Variants in SPAG16 observed in about 807,000 individuals in gnomAD.
SPAG16 encodes the protein sperm associated antigen 16, also known as sperm-associated antigen 16 protein.
In SPAG16, 86 loss-of-function variants were observed where a neutral mutation model predicts 80.4. The observed-to-expected ratio is 1.07, with a 90% CI of 0.90 to 1.28. The LOEUF is 1.28. Ranked by LOEUF, SPAG16 falls within the 50% of genes most tolerant of loss-of-function variation. The probability of loss-of-function intolerance (pLI) is 0.00; values close to 1 mark genes in which losing one functional copy is unlikely to be tolerated. For synonymous variants in SPAG16, 294 were observed against 265.9 expected (o/e 1.11, Z -1.03); for missense variants, 870 against 765.3 (o/e 1.14, Z -1.61).
chr2:213,478,640 C>G (rs2073565497), intron 9 of SPAG16, among the ~76,000 whole-genome samples: 1 of 152,092 alleles, frequency 6.6e-6, no homozygotes, highest in African/African-American at 2.4e-5. Context: ...TTTCATAGTT[C>G]CGTATCCCAG....
intron 10 of SPAG16, among the ~76,000 whole-genome samples, chr2:213,643,373 TATATA>T (rs2062688115): frequency 1.7e-5 from 1 of 58,556 alleles, no homozygotes; most frequent in Non-Finnish European, 3.4e-5. Flanking sequence ...TATATATATA[TATATA>T]TATATATATA....
intron 5 of SPAG16, among the ~76,000 whole-genome samples, chr2:213,325,467 A>G (rs1449817644): frequency 2.6e-5 from 4 of 152,018 alleles, no homozygotes; most frequent in Non-Finnish European, 4.4e-5. Flanking sequence ...TCTTGAGAAA[A>G]TTATCTTTAA....
chr2:213,785,579 A>C (rs2070285806), intron 10 of SPAG16, among the ~76,000 whole-genome samples: 1 of 152,220 alleles, frequency 6.6e-6, no homozygotes, highest in Non-Finnish European at 1.5e-5. Flanking sequence ...TTAGGTTCTA[A>C]ACTAGTGATT....
At chr2:213,293,698 A>G (rs2062386532) in intron 1 of SPAG16, among the ~76,000 whole-genome samples, 1 of 152,188 alleles carries the variant, frequency 6.6e-6, no homozygotes, top group East Asian at 1.9e-4. Context: ...AGAGACCCCC[A>G]AGTCAGATTC....
At chr2:213,357,347 A>G (rs1455408185) in intron 7 of SPAG16, among the ~76,000 whole-genome samples, 1 of 152,098 alleles carries the variant, frequency 6.6e-6, no homozygotes, top group Non-Finnish European at 1.5e-5. Context: ...TCTAATATTG[A>G]CAGTAGGGTG....
chr2:214,080,442 C>A (rs1195504535), intron 13 of SPAG16, among the ~76,000 whole-genome samples: 10 of 136,900 alleles, frequency 7.3e-5, no homozygotes, highest in Non-Finnish European at 7.9e-5. Context: ...ACTAAAAATA[C>A]AAAAAAAAAA....
chr2:213,958,426 A>G (rs1003619115), intron 12 of SPAG16, among the ~76,000 whole-genome samples: 5 of 152,130 alleles, frequency 3.3e-5, no homozygotes, highest in Non-Finnish European at 5.9e-5. Flanking sequence ...GGAGGTAGAG[A>G]ACTGGAAACT....
intron 10 of SPAG16, among the ~76,000 whole-genome samples, chr2:213,537,352 A>G (rs1244218459): frequency 6.6e-6 from 1 of 152,108 alleles, no homozygotes; most frequent in African/African-American, 2.4e-5. Flanking sequence ...AAAGCAACCT[A>G]TCATACATTA....
At chr2:213,672,594 G>T (rs920257802) in intron 10 of SPAG16, among the ~76,000 whole-genome samples, 1 of 151,898 alleles carries the variant, frequency 6.6e-6, no homozygotes, top group Non-Finnish European at 1.5e-5. Context: ...GTACCTCTTT[G>T]CTTTTCTATT....
intron 15 of SPAG16, chr2:214,238,891 A>G (rs1006879908): frequency 6.6e-6 from 1 of 152,124 alleles, no homozygotes; most frequent in East Asian, 1.9e-4. Flanking sequence ...CTGGCATTCA[A>G]TTGCCACACT....
intron 10 of SPAG16, among the ~76,000 whole-genome samples, chr2:213,617,924 G>C: frequency 6.6e-6 from 1 of 152,168 alleles, no homozygotes; most frequent in East Asian, 1.9e-4. Flanking sequence ...CCCTTTGGTG[G>C]TGCTGTGTGT....
At chr2:213,292,671 A>AAAAC (rs1369104371) in intron 1 of SPAG16, among the ~76,000 whole-genome samples, 3 of 133,100 alleles carry the variant, frequency 2.3e-5, no homozygotes, top group Admixed American at 7.3e-5. Flanking sequence ...CTCAAAAAAA[A>AAAAC]AAAACAAAAA....
At chr2:213,301,674 T>C (rs930416051) in intron 3 of SPAG16, among the ~76,000 whole-genome samples, 2 of 152,098 alleles carry the variant, frequency 1.3e-5, no homozygotes, top group African/African-American at 2.4e-5. Context: ...TATTCCCACC[T>C]AAAAGATGTG....
Position 214,179,994 on chromosome 2 carries a change from A to G in SPAG16, c.1720+30728A>G, listed in dbSNP as rs188524603. Reference sequence around the variant, plus strand: ...TATTCAGGAAAAGACTGTCAATTTTATATAAAACCTCTTAGATAAATAGTA... The same window carrying G: ...TATTCAGGAAAAGACTGTCAATTTTGTATAAAACCTCTTAGATAAATAGTA... On this transcript the variant is annotated intron_variant, in intron 15 of 15. Transcript: ENST00000331683. 2.6e-4 allele frequency among the ~76,000 whole-genome samples: 40 copies of G among 151,686 alleles called. No homozygotes were observed. In the Middle Eastern group the frequency reaches 0.01, roughly 39 times the overall value.
At chr2:213,466,261 T>C (rs1165250404) in intron 9 of SPAG16, among the ~76,000 whole-genome samples, 2 of 152,180 alleles carry the variant, frequency 1.3e-5, no homozygotes, top group African/African-American at 2.4e-5. Context: ...ATCTATCCTA[T>C]TAGTTCTGTC....
chr2:213,710,476 A>G (rs1201397340), intron 10 of SPAG16, among the ~76,000 whole-genome samples: 2 of 152,206 alleles, frequency 1.3e-5, no homozygotes, highest in African/African-American at 2.4e-5. Context: ...GAAACATTTC[A>G]CAAACATATA....
intron 7 of SPAG16, among the ~76,000 whole-genome samples, 163 bp downstream of exon 7, chr2:213,350,808 C>T (rs2065283359): frequency 6.6e-6 from 1 of 152,036 alleles, no homozygotes; most frequent in South Asian, 2.1e-4. Flanking sequence ...AGTATTTCTC[C>T]ATTTAACTAC....
At chr2:213,490,546 A>T (rs983300909) in intron 10 of SPAG16, among the ~76,000 whole-genome samples, 4 of 152,188 alleles carry the variant, frequency 2.6e-5, no homozygotes, top group Admixed American at 2.6e-4. Flanking sequence ...CTCAACATTT[A>T]TTGAAATAAA....
intron 15 of SPAG16, among the ~76,000 whole-genome samples, chr2:214,371,620 T>C (rs1346862765): frequency 1.3e-5 from 2 of 151,440 alleles, no homozygotes; most frequent in Non-Finnish European, 2.9e-5. Flanking sequence ...ACAATATAAA[T>C]TATAACACAT....
Sources: gnomAD v4.1 joint callset for allele counts (sites outside exome capture counted in the v4.1 genomes callset) on GRCh38, gnomAD v4.1.1 for gene constraint, MANE v1.5 for transcripts, NCBI Gene and HGNC (gene_info 2026-07-23, HGNC 2026-07-21) for gene names.